Variants in NRG1 observed in about 807,000 individuals in gnomAD.
NRG1 encodes pro-neuregulin-1, membrane-bound isoform.
Under a neutral mutation model 63.8 loss-of-function variants are expected in NRG1, and 18 were observed. That is an observed-to-expected ratio of 0.28 (90% CI 0.19 to 0.42). The LOEUF is 0.42. Among genes scored for constraint, NRG1 ranks in the 10% least tolerant of loss-of-function variants. NRG1 has a pLI of 1.00. For missense variants in NRG1, 762 were observed against 814.7 expected (o/e 0.94, Z 0.79); for synonymous variants, 302 against 301.3 (o/e 1.00, Z -0.02).
chr8:32,425,680 G>GA (rs1817268564), intron 1 of NRG1, among the ~76,000 whole-genome samples: 2 of 152,170 alleles, frequency 1.3e-5, no homozygotes, highest in African/African-American at 2.4e-5. Context: ...CCCTTTGCAG[G>GA]AAAAAACTTG....
intron 1 of NRG1, among the ~76,000 whole-genome samples, chr8:31,757,649 G>A (rs1817107549): frequency 6.6e-6 from 1 of 152,034 alleles, no homozygotes; most frequent in Admixed American, 6.6e-5. Context: ...ACTTTCCTCA[G>A]TTTATGTCCT....
intron 1 of NRG1, among the ~76,000 whole-genome samples, chr8:31,752,511 T>C (rs770939203): frequency 2.6e-5 from 4 of 152,008 alleles, no homozygotes; most frequent in African/African-American, 4.8e-5. Context: ...TAGTATTTAT[T>C]TAACATCCAG....
At chr8:32,609,740 A>C (rs1455505062) in intron 3 of NRG1, among the ~76,000 whole-genome samples, 1 of 143,108 alleles carries the variant, frequency 7.0e-6, no homozygotes, top group South Asian at 2.2e-4. Context: ...CGGCCACTGC[A>C]CTGGATTCAA....
intron 1 of NRG1, among the ~76,000 whole-genome samples, chr8:32,403,431 TTTTACAA>T (rs1813507525): frequency 6.6e-6 from 1 of 152,122 alleles, no homozygotes; most frequent in African/African-American, 2.4e-5. Context: ...CTTATCCCCA[TTTTACAA>T]GATACAAAAA....
At chr8:31,892,190 C>A (rs1349138814) in intron 1 of NRG1, among the ~76,000 whole-genome samples, 2 of 152,058 alleles carry the variant, frequency 1.3e-5, no homozygotes, top group African/African-American at 4.8e-5. Flanking sequence ...ACACTGATCT[C>A]TAATGAAAAG....
rs113928729 is a variant in NRG1 at position 32,595,808 on chromosome 8, A to G, written c.101-20A>G. 3 of 1,596,448 alleles carry G rather than the reference A, an allele frequency of 1.9e-6. No individual in the cohort carries two copies. Among genetic ancestry groups the G allele is most frequent in the Non-Finnish European group, 2.6e-6 (3 of 1,173,510 alleles). On this transcript the variant is annotated intron_variant, in intron 1 of 11. Transcript: ENST00000356819. ...TGCCTGGTGATCAGAGTTGTTTTTC[A>G]TTCTCTTTTCTTCTTTTAGCCTTGC...
At chr8:32,614,046 A>G (rs1213738076) in intron 3 of NRG1, among the ~76,000 whole-genome samples, 1 of 152,112 alleles carries the variant, frequency 6.6e-6, no homozygotes, top group Non-Finnish European at 1.5e-5. Flanking sequence ...ATAGAATTCA[A>G]TGCCAGAACT....
rs575198872 is a variant in NRG1, at chr8:31,700,048, A to G, written c.37+60617A>G. ...AGTCGATATAGGTGGTTCTTGTAAG[A>G]TAAAACCTCCTTGGCCCCATGCAGG... On this transcript the variant is annotated intron_variant, in intron 1 of 10. Coordinates refer to the NRG1 transcript ENST00000519301. 1.1e-4 allele frequency among the ~76,000 whole-genome samples: 16 copies of G among 152,328 alleles called. No individual in the cohort carries two copies. In the South Asian group the frequency reaches 3.3e-3, roughly 32 times the overall value.
At chr8:32,259,344 A>T (rs1278518989) in intron 1 of NRG1, among the ~76,000 whole-genome samples, 2 of 152,106 alleles carry the variant, frequency 1.3e-5, no homozygotes, top group Non-Finnish European at 2.9e-5. Flanking sequence ...GGAGTGGGTT[A>T]GTTATCACAG....
At chr8:32,232,993 T>C (rs569784348) in intron 1 of NRG1, among the ~76,000 whole-genome samples, 94 of 152,370 alleles carry the variant, frequency 6.2e-4, no homozygotes, top group African/African-American at 2.0e-3. Context: ...TATTTACTTC[T>C]CTTAAGTCAT....
intron 1 of NRG1, among the ~76,000 whole-genome samples, chr8:32,004,047 A>G (rs1256804266): frequency 6.6e-6 from 1 of 152,070 alleles, no homozygotes; most frequent in African/African-American, 2.4e-5. Context: ...AATATTATTC[A>G]GCAATAAAAA....
intron 1 of NRG1, 29 bp downstream of exon 1, chr8:32,548,855 C>A: frequency 2.6e-6 from 4 of 1,536,978 alleles, no homozygotes; most frequent in Non-Finnish European, 3.5e-6. Context: ...CCGGGCCCCA[C>A]GATCCTCCTC....
At chr8:31,994,647 C>G (rs1450285960) in intron 1 of NRG1, among the ~76,000 whole-genome samples, 3 of 69,514 alleles carry the variant, frequency 4.3e-5, no homozygotes, top group African/African-American at 1.8e-4. Flanking sequence ...GAGCAATACT[C>G]TGTCTCAAAA....
chr8:32,017,736 TG>T (rs1384266282), intron 1 of NRG1, among the ~76,000 whole-genome samples: 8 of 152,192 alleles, frequency 5.3e-5, no homozygotes, highest in Admixed American at 6.5e-5. Context: ...AGGAAAGACA[TG>T]GGGCAAAGGA....
At chr8:32,124,608 C>G (rs986969036) in intron 1 of NRG1, among the ~76,000 whole-genome samples, 1 of 151,838 alleles carries the variant, frequency 6.6e-6, no homozygotes, top group African/African-American at 2.4e-5. Flanking sequence ...TCCACTGACA[C>G]CCCCTTGTGC....
At chr8:32,720,643 T>A (rs1199301883) in intron 5 of NRG1, among the ~76,000 whole-genome samples, 1 of 152,188 alleles carries the variant, frequency 6.6e-6, no homozygotes, top group Admixed American at 6.5e-5. Flanking sequence ...AGCTTTCTTG[T>A]AACTCCATTT....
chr8:31,964,009 C>T (rs951002164), intron 1 of NRG1, among the ~76,000 whole-genome samples: 1 of 152,146 alleles, frequency 6.6e-6, no homozygotes, highest in Non-Finnish European at 1.5e-5. Flanking sequence ...CTTCCCTAAA[C>T]ATGCCACTGG....
At chr8:32,378,990 G>A (rs951605684) in intron 1 of NRG1, among the ~76,000 whole-genome samples, 1 of 152,066 alleles carries the variant, frequency 6.6e-6, no homozygotes, top group African/African-American at 2.4e-5. Context: ...TGGTGTATAT[G>A]TGCCACATTT....
chr8:32,314,619 G>A (rs774683260), intron 1 of NRG1, among the ~76,000 whole-genome samples: 12 of 152,170 alleles, frequency 7.9e-5, no homozygotes, highest in Non-Finnish European at 1.5e-4. Flanking sequence ...TTTCCAAAGA[G>A]ATTCATTACT....
Sources: allele counts gnomAD v4.1 joint callset (sites outside exome capture counted in the v4.1 genomes callset), GRCh38; gene constraint gnomAD v4.1.1; transcripts MANE v1.5; gene names NCBI Gene and HGNC (gene_info 2026-07-23, HGNC 2026-07-21).